CLASP1: variants seen among roughly 807,000 people sequenced by gnomAD.
The protein encoded by CLASP1 is CLIP-associating protein 1.
CLASP1 carries 38 observed loss-of-function variants against 192.3 expected under a neutral mutation model. The ratio of observed to expected loss-of-function variants is 0.20; its 90% confidence interval spans 0.15 to 0.26. CLASP1 has a LOEUF of 0.26. CLASP1 is among the 10% of genes least tolerant of loss of function. CLASP1 has a pLI of 1.00. For synonymous variants in CLASP1, 691 were observed against 712.8 expected, an observed-to-expected ratio of 0.97 and a Z score of 0.49; for missense variants, 1,433 against 1,932.5, an observed-to-expected ratio of 0.74 and a Z score of 4.85.
intron 9 of CLASP1, among the ~76,000 whole-genome samples, chr2:121,463,072 T>C (rs1034195655): frequency 6.6e-6 from 1 of 152,222 alleles, no homozygotes; most frequent in Non-Finnish European, 1.5e-5. Flanking sequence ...AAAACATTTC[T>C]ATTTCCTTGA....
intron 20 of CLASP1, among the ~76,000 whole-genome samples, chr2:121,427,964 A>C (rs2080733497): frequency 6.6e-6 from 1 of 152,238 alleles, no homozygotes; most frequent in South Asian, 2.1e-4. Context: ...ATATACACTT[A>C]GATTTACCAC....
chr2:121,621,056 T>C (rs1327129103), intron 1 of CLASP1, among the ~76,000 whole-genome samples: 1 of 151,976 alleles, frequency 6.6e-6, no homozygotes, highest in Non-Finnish European at 1.5e-5. Flanking sequence ...TGGCAAACCC[T>C]ATCTCTATAA....
chr2:121,337,780 A>G (rs1021097147), exon 40 of CLASP1: 2 of 152,250 alleles, frequency 1.3e-5, no homozygotes, highest in African/African-American at 4.8e-5. Flanking sequence ...AGAACATTGA[A>G]TTAAGTCTCA....
chr2:121,398,863 C>G (rs995428227), intron 28 of CLASP1, among the ~76,000 whole-genome samples: 7 of 152,226 alleles, frequency 4.6e-5, no homozygotes, highest in Admixed American at 3.9e-4. Flanking sequence ...GGTCCCTGCA[C>G]ACCACAGAAG....
intron 2 of CLASP1, among the ~76,000 whole-genome samples, chr2:121,604,076 A>G (rs576570059): frequency 6.6e-6 from 1 of 152,238 alleles, no homozygotes; most frequent in Non-Finnish European, 1.5e-5. Context: ...AACGTTCCCA[A>G]CACAAAGAAA....
At chr2:121,399,330 G>C (rs1312268883) in intron 28 of CLASP1, among the ~76,000 whole-genome samples, 1 of 152,156 alleles carries the variant, frequency 6.6e-6, no homozygotes, top group East Asian at 1.9e-4. Flanking sequence ...TGGAATCTTT[G>C]AAGATCTCTT....
At chr2:121,467,861 G>C (rs988895854) in intron 9 of CLASP1, among the ~76,000 whole-genome samples, 2 of 152,086 alleles carry the variant, frequency 1.3e-5, no homozygotes, top group Non-Finnish European at 2.9e-5. Context: ...TGAAATCTTT[G>C]CCCATGCCTA....
intron 14 of CLASP1, among the ~76,000 whole-genome samples, chr2:121,455,656 T>C (rs2149830547): frequency 6.6e-6 from 1 of 152,196 alleles, no homozygotes; most frequent in African/African-American, 2.4e-5. Context: ...ACTTTGGAGG[T>C]TGAGGCCAGC....
chr2:121,647,359 AC>A (rs1261076361), intron 1 of CLASP1, among the ~76,000 whole-genome samples: 5 of 152,152 alleles, frequency 3.3e-5, no homozygotes, highest in Non-Finnish European at 7.3e-5. Context: ...CAAGAGTGAA[AC>A]TCTGTTTCAA....
chr2:121,550,135 G>T (rs1321534507), intron 2 of CLASP1, among the ~76,000 whole-genome samples: 3 of 151,790 alleles, frequency 2.0e-5, no homozygotes, highest in Non-Finnish European at 4.4e-5. Flanking sequence ...TATACGACAT[G>T]CTCTTGAAAG....
Position 121,613,629 on chromosome 2 carries a change from T to TAAA in CLASP1, c.-285-7452_-285-7450dup, listed in dbSNP as rs34993191. Among the ~76,000 whole-genome samples the TAAA allele has an allele frequency of 7.1e-4, 106 of 148,860 alleles. 2 individuals are homozygous for TAAA. Among genetic ancestry groups the TAAA allele is most frequent in the Middle Eastern group, 3.5e-3 (1 of 284 alleles). On this transcript the variant is annotated intron_variant, in intron 1 of 39. Transcript: ENST00000263710. ...AGCACATGCACAAAGCCTTTTTTTT[T>TAAA]AAAAAAAAAAAATAGCACCTATCTC...
chr2:121,358,684 A>G (rs1357149774), intron 37 of CLASP1, among the ~76,000 whole-genome samples: 2 of 152,250 alleles, frequency 1.3e-5, no homozygotes, highest in African/African-American at 4.8e-5. Flanking sequence ...TGATTTTGCC[A>G]TTTTAATTCT....
intron 2 of CLASP1, among the ~76,000 whole-genome samples, chr2:121,566,361 T>C (rs2059501120): frequency 6.6e-6 from 1 of 152,244 alleles, no homozygotes; most frequent in African/African-American, 2.4e-5. Context: ...TGCTCTGTAA[T>C]GTGTTCTGTG....
intron 2 of CLASP1, among the ~76,000 whole-genome samples, chr2:121,558,785 A>G (rs2058808900): frequency 6.6e-6 from 1 of 152,226 alleles, no homozygotes; most frequent in South Asian, 2.1e-4. Flanking sequence ...CTTGCTGCCA[A>G]TTGGGGGAAA....
chr2:121,640,287 T>G (rs1280377907), intron 1 of CLASP1, among the ~76,000 whole-genome samples: 3 of 152,096 alleles, frequency 2.0e-5, no homozygotes, highest in Non-Finnish European at 4.4e-5. Flanking sequence ...GGCTGATGGG[T>G]GCAGCGGGCC....
intron 32 of CLASP1, among the ~76,000 whole-genome samples, chr2:121,383,820 ATCTCT>A (rs1340795037): frequency 2.6e-5 from 4 of 151,676 alleles, no homozygotes; most frequent in African/African-American, 9.7e-5. Flanking sequence ...TAGCACATAG[ATCTCT>A]TCTCCAAATA....
chr2:121,472,838 C>T (rs2090992031), intron 8 of CLASP1, among the ~76,000 whole-genome samples: 1 of 152,266 alleles, frequency 6.6e-6, no homozygotes, highest in East Asian at 1.9e-4. Context: ...TGGAGACCCC[C>T]AGAGAGTCAG....
chr2:121,448,258 C>T lies in CLASP1; in HGVS notation c.1741+18G>A. The T allele has an allele frequency of 6.2e-7, 1 of 1,611,842 alleles. No individual in the cohort carries two copies. The highest frequency in any genetic ancestry group is 1.3e-5 in the African/African-American group (1 of 75,020). On this transcript the variant is annotated intron_variant, in intron 18 of 39. Transcript: ENST00000263710. ...ACCAGAGCGGAGAACAGGCCTTCTC[C>T]ACGGCTGTCAGTCTCACCTCTAGAT...
intron 33 of CLASP1, among the ~76,000 whole-genome samples, chr2:121,379,215 C>CAAA (rs189429636): frequency 1.3e-5 from 1 of 78,124 alleles, no homozygotes; most frequent in Non-Finnish European, 2.8e-5. Context: ...GGAGAGTTCA[C>CAAA]AAAAAAAAAA....
Sources: allele counts gnomAD v4.1 joint callset (sites outside exome capture counted in the v4.1 genomes callset), GRCh38; gene constraint gnomAD v4.1.1; transcripts MANE v1.5; gene names NCBI Gene and HGNC (gene_info 2026-07-23, HGNC 2026-07-21).